The following IGF2BP3 variants were observed in gnomAD, a reference collection of about 807,000 sequenced individuals.
IGF2BP3 encodes the protein insulin like growth factor 2 mRNA binding protein 3, also known as insulin-like growth factor 2 mRNA-binding protein 3.
A neutral mutation model predicts 73.8 loss-of-function variants in IGF2BP3; 9 were observed. The observed-to-expected ratio is 0.12, with a 90% CI of 0.07 to 0.21. The LOEUF is 0.21. Among genes scored for constraint, IGF2BP3 ranks in the 10% least tolerant of loss-of-function variants. IGF2BP3 has a pLI of 1.00. For synonymous variants in IGF2BP3, 258 were observed against 256.7 expected, an observed-to-expected ratio of 1.01 and a Z score of -0.05; for missense variants, 542 against 714.0, an observed-to-expected ratio of 0.76 and a Z score of 2.75.
intron 3 of IGF2BP3, among the ~76,000 whole-genome samples, chr7:23,376,254 A>T (rs1350808973): frequency 6.6e-6 from 1 of 152,220 alleles, no homozygotes; most frequent in Non-Finnish European, 1.5e-5. Flanking sequence ...AAATAAATTT[A>T]GCAATTAAAA....
chr7:23,346,719 A>T (rs939820465), intron 7 of IGF2BP3, among the ~76,000 whole-genome samples: 3 of 151,694 alleles, frequency 2.0e-5, no homozygotes, highest in Non-Finnish European at 1.5e-5. Flanking sequence ...CAGCCTCCCA[A>T]GTGGCTGGGA....
chr7:23,389,235 A>C (rs1380133645), intron 3 of IGF2BP3, among the ~76,000 whole-genome samples: 1 of 150,112 alleles, frequency 6.7e-6, no homozygotes, highest in African/African-American at 2.5e-5. Context: ...ATCTCGGCTC[A>C]CTGCAACCTC....
chr7:23,437,106 C>T (rs1255877423), intron 2 of IGF2BP3, among the ~76,000 whole-genome samples: 2 of 151,914 alleles, frequency 1.3e-5, no homozygotes, highest in Non-Finnish European at 2.9e-5. Context: ...GCGATAGAGT[C>T]AGACCCTGTC....
At chr7:23,325,960 A>G (rs1784282791) in intron 10 of IGF2BP3, among the ~76,000 whole-genome samples, 1 of 152,252 alleles carries the variant, frequency 6.6e-6, no homozygotes, top group East Asian at 1.9e-4. Context: ...CGTTAGACCT[A>G]AAACCATAAA....
chr7:23,432,135 T>A lies in IGF2BP3; in HGVS notation c.237-13311A>T, dbSNP rs145064608. ...CGTTAACTAAAACAGAGGTATATTT[T>A]ATCTTTTACATTTGCACACGTTATC... On this transcript the variant is annotated intron_variant, in intron 2 of 14. Transcript: ENST00000258729. Among the ~76,000 whole-genome samples the A allele has an allele frequency of 2.6e-3, 396 of 152,326 alleles. 1 individual carries two copies. The highest frequency in any genetic ancestry group is 9.1e-3 in the African/African-American group (379 of 41,562).
intron 3 of IGF2BP3, among the ~76,000 whole-genome samples, chr7:23,400,647 G>A (rs977171484): frequency 3.9e-5 from 6 of 152,146 alleles, no homozygotes; most frequent in East Asian, 3.9e-4. Flanking sequence ...CATTTCACAC[G>A]AGAACAACTT....
At chr7:23,384,865 T>C (rs1482045381) in intron 3 of IGF2BP3, among the ~76,000 whole-genome samples, 3 of 150,378 alleles carry the variant, frequency 2.0e-5, no homozygotes, top group African/African-American at 7.4e-5. Context: ...TACTCCGGCC[T>C]GGGTGACAGA....
chr7:23,322,597 G>A (rs1335522102), intron 10 of IGF2BP3, among the ~76,000 whole-genome samples: 1 of 152,098 alleles, frequency 6.6e-6, no homozygotes, highest in Non-Finnish European at 1.5e-5. Flanking sequence ...CTCGAGAAGA[G>A]CAACTCCAAG....
intron 2 of IGF2BP3, among the ~76,000 whole-genome samples, chr7:23,447,120 G>A (rs1457819920): frequency 6.6e-6 from 1 of 151,070 alleles, no homozygotes; most frequent in Non-Finnish European, 1.5e-5. Context: ...AGAATCACTT[G>A]AACCCGGGAG....
At chr7:23,391,972 G>C (rs760029383) in intron 3 of IGF2BP3, among the ~76,000 whole-genome samples, 1 of 152,110 alleles carries the variant, frequency 6.6e-6, no homozygotes, top group African/African-American at 2.4e-5. Context: ...ACTGAAAATC[G>C]AACAACCCAG....
intron 2 of IGF2BP3, chr7:23,431,387 A>G (rs973157607): frequency 2.6e-5 from 4 of 152,212 alleles, no homozygotes; most frequent in Non-Finnish European, 5.9e-5. Flanking sequence ...TAAAATTCCT[A>G]TAGATTTTAT....
intron 5 of IGF2BP3, among the ~76,000 whole-genome samples, chr7:23,359,841 T>C (rs1348175802): frequency 1.3e-5 from 2 of 151,970 alleles, no homozygotes; most frequent in East Asian, 3.9e-4. Flanking sequence ...TCTTCTTACA[T>C]GATACAACTA....
intron 2 of IGF2BP3, among the ~76,000 whole-genome samples, chr7:23,419,339 A>G (rs1787280456): frequency 6.6e-6 from 1 of 152,228 alleles, no homozygotes; most frequent in African/African-American, 2.4e-5. Context: ...ACAGAATTAC[A>G]GTACTTGTAA....
chr7:23,469,956 T>C lies in IGF2BP3; in HGVS notation c.155A>G (p.Lys52Arg), dbSNP rs1223111079. The change falls in exon 1 of 15, where the codon AAG becomes AGG. Residue 52 changes from lysine to arginine, a missense_variant. Physicochemically the swap from Lys to Arg is conservative, Grantham distance 26. This residue lies in a region of IGF2BP3 where 239 missense variants were observed against 241.9 expected (regional missense o/e 0.99). Transcript: ENST00000258729. The surrounding 1 kb of genome is among the most constrained non-coding windows in gnomAD (Gnocchi z 6.1). Reference sequence around the variant, plus strand: ...CCCACCTGAAAGCGCCTCGATGGCCTTGAGGGCCCAGCTCTCGTCCGGGCA... The same window carrying C: ...CCCACCTGAAAGCGCCTCGATGGCCCTGAGGGCCCAGCTCTCGTCCGGGCA... ...VDCPDESWAL[K>R]AIEALSGKIE... The C allele has an allele frequency of 6.2e-7, 1 of 1,610,828 alleles. No individual in the cohort carries two copies. The highest frequency in any genetic ancestry group is 8.5e-7 in the Non-Finnish European group (1 of 1,179,178).
chr7:23,439,281 G>A (rs953347548), intron 2 of IGF2BP3, among the ~76,000 whole-genome samples: 21 of 152,096 alleles, frequency 1.4e-4, no homozygotes, highest in South Asian at 6.2e-4. Context: ...GGCCGGGCAC[G>A]GTGGCTCACG....
chr7:23,467,727 G>A (rs981846819), intron 2 of IGF2BP3: 4 of 152,216 alleles, frequency 2.6e-5, no homozygotes, highest in Admixed American at 2.0e-4. Flanking sequence ...TGCTTCAGAG[G>A]CTAAAACAGT....
At chr7:23,392,802 G>T (rs1284424493) in intron 3 of IGF2BP3, among the ~76,000 whole-genome samples, 1 of 151,930 alleles carries the variant, frequency 6.6e-6, no homozygotes, top group Admixed American at 6.6e-5. Context: ...GCAAATTATT[G>T]TACTTTTTTT....
chr7:23,382,157 G>A (rs1483427758), intron 3 of IGF2BP3, among the ~76,000 whole-genome samples: 1 of 152,034 alleles, frequency 6.6e-6, no homozygotes, highest in Non-Finnish European at 1.5e-5. Flanking sequence ...GAGGTGGGAG[G>A]ATCACTTGAG....
At chr7:23,337,284 T>C (rs1784598062) in intron 10 of IGF2BP3, among the ~76,000 whole-genome samples, 1 of 152,230 alleles carries the variant, frequency 6.6e-6, no homozygotes, top group African/African-American at 2.4e-5. Context: ...ACTCTAATTG[T>C]ATCCAGGGAC....
Sources: gnomAD v4.1 joint callset for allele counts (sites outside exome capture counted in the v4.1 genomes callset) on GRCh38, gnomAD v4.1.1 for gene constraint, gnomAD v4.1.1 regional missense constraint, Gnocchi (gnomAD v3.1) non-coding constraint, MANE v1.5 for transcripts, NCBI Gene and HGNC (gene_info 2026-07-23, HGNC 2026-07-21) for gene names.